Variants in COBL observed in about 807,000 individuals in gnomAD.
COBL encodes cordon-bleu WH2 repeat protein.
COBL carries 51 observed loss-of-function variants against 98.8 expected under a neutral mutation model. The ratio of observed to expected loss-of-function variants is 0.52; its 90% CI spans 0.41 to 0.65. The LOEUF (loss-of-function observed/expected upper bound fraction) is 0.65. Among genes scored for constraint, COBL ranks in the 30% least tolerant of loss-of-function variants. The pLI is 0.00. For synonymous variants in COBL, 634 were observed against 651.7 expected, an observed-to-expected ratio of 0.97 and a Z score of 0.41; for missense variants, 1,617 against 1,617.5, an observed-to-expected ratio of 1.00 and a Z score of 0.01.
chr7:51,205,659 T>TG (rs1791622136), intron 2 of COBL, among the ~76,000 whole-genome samples: 1 of 150,800 alleles, frequency 6.6e-6, no homozygotes, highest in Non-Finnish European at 1.5e-5. Context: ...TTTTTTTTTT[T>TG]TTACAGATAT....
intron 6 of COBL, among the ~76,000 whole-genome samples, chr7:51,119,866 T>C (rs890211530): frequency 6.6e-6 from 1 of 152,208 alleles, no homozygotes; most frequent in Non-Finnish European, 1.5e-5. Flanking sequence ...ATTATTTGAC[T>C]TCTAAGGAAA....
chr7:51,238,243 G>A (rs1795457379), intron 1 of COBL, among the ~76,000 whole-genome samples: 1 of 152,220 alleles, frequency 6.6e-6, no homozygotes, highest in African/African-American at 2.4e-5. Context: ...GAAGCCACAT[G>A]ACTTCCACAC....
At chr7:51,061,504 C>T (rs1169003972) in intron 7 of COBL, among the ~76,000 whole-genome samples, 1 of 152,006 alleles carries the variant, frequency 6.6e-6, no homozygotes, top group Non-Finnish European at 1.5e-5. Context: ...TTTTGTCTTT[C>T]TCTGGAGAAA....
intron 1 of COBL, among the ~76,000 whole-genome samples, chr7:51,308,766 A>G (rs1802724193): frequency 6.6e-6 from 1 of 152,190 alleles, no homozygotes; most frequent in African/African-American, 2.4e-5. Flanking sequence ...GATGGTGCCC[A>G]CTATGAATAA....
At chr7:51,086,168 G>T (rs546737984) in intron 6 of COBL, among the ~76,000 whole-genome samples, 1 of 152,092 alleles carries the variant, frequency 6.6e-6, no homozygotes, top group South Asian at 2.1e-4. Context: ...ATTGATTAAA[G>T]AACATTGTGT....
chr7:51,203,980 T>C (rs1002628475), intron 2 of COBL, among the ~76,000 whole-genome samples: 1 of 152,154 alleles, frequency 6.6e-6, no homozygotes, highest in Non-Finnish European at 1.5e-5. Context: ...CTCAATAAAA[T>C]ACTAGCATAC....
At chr7:51,121,651 G>C in intron 6 of COBL, among the ~76,000 whole-genome samples, 2 of 152,278 alleles carry the variant, frequency 1.3e-5, no homozygotes, top group Middle Eastern at 3.4e-3. Flanking sequence ...GTGCCTAGGA[G>C]GCTCTGCACC....
At chr7:51,256,124 G>A (rs1309877687) in intron 1 of COBL, among the ~76,000 whole-genome samples, 1 of 152,142 alleles carries the variant, frequency 6.6e-6, no homozygotes, top group Admixed American at 6.5e-5. Context: ...CGTAGCAGCT[G>A]CACTATCAAG....
chr7:51,072,791 T>G (rs1792695139), intron 7 of COBL: 1 of 152,216 alleles, frequency 6.6e-6, no homozygotes, highest in African/African-American at 2.4e-5. Context: ...AAGTACACAG[T>G]AACAGGAAAA....
intron 1 of COBL, among the ~76,000 whole-genome samples, chr7:51,275,947 C>G (rs984458209): frequency 1.3e-5 from 2 of 152,170 alleles, no homozygotes; most frequent in Non-Finnish European, 1.5e-5. Flanking sequence ...TAAAGAAGCC[C>G]TTATCTTCCT....
chr7:51,029,705 C>T (rs945468464), intron 9 of COBL, 114 bp from the exon 10 acceptor site: 54 of 855,460 alleles, frequency 6.3e-5, no homozygotes, highest in Middle Eastern at 2.8e-4. Flanking sequence ...TATTTATATA[C>T]GTTTTAAAAT....
intron 5 of COBL, among the ~76,000 whole-genome samples, chr7:51,157,098 C>T (rs1438327303): frequency 2.0e-5 from 3 of 152,186 alleles, no homozygotes; most frequent in African/African-American, 4.8e-5. Context: ...TAGCCAGACA[C>T]GGTGGCTCAC....
At chr7:51,212,313 G>A (rs1284164392) in intron 2 of COBL, among the ~76,000 whole-genome samples, 1 of 152,128 alleles carries the variant, frequency 6.6e-6, no homozygotes, top group East Asian at 1.9e-4. Context: ...CAGAGCCCTA[G>A]ACAAGAAACG....
At chr7:51,153,404 C>T (rs568128090) in intron 5 of COBL, among the ~76,000 whole-genome samples, 71 of 152,328 alleles carry the variant, frequency 4.7e-4, no homozygotes, top group Non-Finnish European at 9.3e-4. Flanking sequence ...GAAGTCATCC[C>T]TATTCTATGC....
chr7:51,193,319 C>A, intron 3 of COBL, 60 bp downstream of exon 3: 1 of 1,467,358 alleles, frequency 6.8e-7, no homozygotes, highest in Middle Eastern at 1.8e-4. Context: ...CCACACTGGC[C>A]CCTACTCAGG....
chr7:51,151,263 T>G (rs1021686335), intron 5 of COBL, among the ~76,000 whole-genome samples: 2 of 152,226 alleles, frequency 1.3e-5, no homozygotes, highest in African/African-American at 4.8e-5. Flanking sequence ...AACTAAGATC[T>G]GTATAAACGC....
chr7:51,302,033 T>C (rs975316886), intron 1 of COBL, among the ~76,000 whole-genome samples: 2 of 152,152 alleles, frequency 1.3e-5, no homozygotes, highest in Non-Finnish European at 2.9e-5. Flanking sequence ...AGGTCTTCAG[T>C]GTCGTGGCCC....
intron 8 of COBL, 169 bp from the exon 9 acceptor site, chr7:51,031,078 G>T: frequency 1.6e-6 from 1 of 612,912 alleles, no homozygotes; most frequent in South Asian, 2.0e-5. Flanking sequence ...TTGTTCATGG[G>T]TGTGTGTGTC....
At position 51,028,022 on chromosome 7, in the gene COBL, T is replaced by G. The variant is rs747950142; in HGVS notation, c.3074A>C (p.His1025Pro). 12 of 1,604,504 alleles carry G rather than the reference T, an allele frequency of 7.5e-6. No homozygotes were observed. Among genetic ancestry groups the G allele is most frequent in the Non-Finnish European group, 1.0e-5 (12 of 1,175,294 alleles). The change falls in exon 10 of 13, where the codon CAC (histidine) becomes CCC (proline). Residue 1025 changes from histidine (H) to proline (P), a missense_variant. Around this residue, in one of 3 missense-constraint regions of COBL, gnomAD observed 1,304 missense variants for 1,282.0 expected, o/e 1.02. Coordinates refer to ENST00000265136, the MANE Select transcript of COBL (RefSeq NM_015198.5). Reference sequence around the variant, plus strand: ...GCTGCAGGCCTGAGTGTCAGATGTGTGTGGAGGGGGTGGGTCTGTACCATC... The same window carrying G: ...GCTGCAGGCCTGAGTGTCAGATGTGGGTGGAGGGGGTGGGTCTGTACCATC... ...APDGTDPPPP[H>P]TSDTQACSRE...
Sources: gnomAD v4.1 joint callset for allele counts (sites outside exome capture counted in the v4.1 genomes callset) on GRCh38, gnomAD v4.1.1 for gene constraint, gnomAD v4.1.1 regional missense constraint, MANE v1.5 for transcripts, NCBI Gene and HGNC (gene_info 2026-07-23, HGNC 2026-07-21) for gene names.